HOMER1: variants seen among roughly 807,000 people sequenced by gnomAD.
The protein encoded by HOMER1 is homer scaffold protein 1.
HOMER1 carries 3 observed loss-of-function variants against 48.9 expected under a neutral mutation model. That is an observed-to-expected ratio of 0.06 (90% CI 0.03 to 0.16). HOMER1 has a LOEUF of 0.16. Ranked by LOEUF, HOMER1 falls within the 10% of genes least tolerant of loss-of-function variation. The pLI is 1.00. For synonymous variants in HOMER1, 134 were observed against 146.4 expected, an observed-to-expected ratio of 0.92 and a Z score of 0.61; for missense variants, 247 against 411.4, an observed-to-expected ratio of 0.60 and a Z score of 3.46.
chr5:79,435,571 T>C (rs1750552137), intron 5 of HOMER1, among the ~76,000 whole-genome samples: 1 of 152,250 alleles, frequency 6.6e-6, no homozygotes, highest in African/African-American at 2.4e-5. Flanking sequence ...ATTAAAAACT[T>C]AAGATTTTAT....
At chr5:79,462,217 C>CA (rs1285238871) in intron 1 of HOMER1, among the ~76,000 whole-genome samples, 1 of 152,002 alleles carries the variant, frequency 6.6e-6, no homozygotes, top group Non-Finnish European at 1.5e-5. Flanking sequence ...AACAAACAAA[C>CA]AAAAAAACCA....
chr5:79,404,981 T>C (rs573128293), intron 5 of HOMER1, among the ~76,000 whole-genome samples: 1 of 152,194 alleles, frequency 6.6e-6, no homozygotes, highest in Non-Finnish European at 1.5e-5. Context: ...AGTGCTGGGA[T>C]TACAGGCATG....
chr5:79,429,087 G>A (rs1194531697), intron 5 of HOMER1, among the ~76,000 whole-genome samples: 8 of 152,272 alleles, frequency 5.3e-5, no homozygotes, highest in East Asian at 3.9e-4. Flanking sequence ...AGCGTAGGCC[G>A]GGCACAGTGG....
At chr5:79,425,433 T>C (rs944467495) in intron 5 of HOMER1, among the ~76,000 whole-genome samples, 6 of 152,078 alleles carry the variant, frequency 3.9e-5, no homozygotes, top group African/African-American at 1.2e-4. Flanking sequence ...AGGTGTGTTA[T>C]GCTTTTTCTT....
intron 5 of HOMER1, among the ~76,000 whole-genome samples, chr5:79,421,609 CTT>C (rs548883268): frequency 2.1e-5 from 3 of 142,928 alleles, no homozygotes; most frequent in Admixed American, 7.0e-5. Context: ...TGTTATTTTT[CTT>C]TTTTTTTTTT....
At chr5:79,435,399 T>C (rs1750547335) in intron 5 of HOMER1, among the ~76,000 whole-genome samples, 1 of 152,206 alleles carries the variant, frequency 6.6e-6, no homozygotes, top group South Asian at 2.1e-4. Context: ...ATATCCCATC[T>C]TTTTTATTTT....
chr5:79,428,421 A>T (rs1315406201), intron 5 of HOMER1, among the ~76,000 whole-genome samples: 1 of 152,240 alleles, frequency 6.6e-6, no homozygotes, highest in East Asian at 1.9e-4. Flanking sequence ...TCTATTCAAC[A>T]CTGTACTACA....
chr5:79,487,618 G>A (rs149431363), intron 1 of HOMER1, among the ~76,000 whole-genome samples: 27 of 152,284 alleles, frequency 1.8e-4, no homozygotes, highest in African/African-American at 6.5e-4. Flanking sequence ...GCAAGAAAAG[G>A]AGGGGAAGGA....
At chr5:79,399,902 C>G (rs1749489016) in intron 6 of HOMER1, among the ~76,000 whole-genome samples, 1 of 151,996 alleles carries the variant, frequency 6.6e-6, no homozygotes, top group African/African-American at 2.4e-5. Context: ...GATAGAAATT[C>G]AGATCTACAG....
chr5:79,414,043 G>A (rs1749875968), intron 5 of HOMER1, among the ~76,000 whole-genome samples: 1 of 151,892 alleles, frequency 6.6e-6, no homozygotes. Flanking sequence ...AGTACTTCTT[G>A]GGATCCTCTC....
At chr5:79,396,781 C>A in intron 8 of HOMER1, 42 bp downstream of exon 8, 1 of 1,197,616 alleles carries the variant, frequency 8.3e-7, no homozygotes, top group Non-Finnish European at 1.2e-6. Flanking sequence ...AAAATGATGC[C>A]TTTCTATGCA....
chr5:79,421,318 AG>A (rs745867501), intron 5 of HOMER1, among the ~76,000 whole-genome samples: 5 of 152,222 alleles, frequency 3.3e-5, no homozygotes, highest in Admixed American at 2.0e-4. Context: ...CCAAATGTTT[AG>A]TTATGTTATG....
chr5:79,376,650 G>C (rs749282885), intron 8 of HOMER1, among the ~76,000 whole-genome samples: 21 of 152,282 alleles, frequency 1.4e-4, no homozygotes, highest in Middle Eastern at 6.8e-3. Context: ...ATTTAGACAA[G>C]AAAGTAACTC....
intron 1 of HOMER1, among the ~76,000 whole-genome samples, chr5:79,457,340 C>T (rs1227648837): frequency 1.3e-5 from 2 of 152,198 alleles, no homozygotes; most frequent in Non-Finnish European, 2.9e-5. Context: ...AACCATGCAT[C>T]ACCTGACATG....
intron 2 of HOMER1, among the ~76,000 whole-genome samples, chr5:79,452,493 C>G (rs1445938214): frequency 6.6e-6 from 1 of 152,196 alleles, no homozygotes; most frequent in Non-Finnish European, 1.5e-5. Context: ...AATCCATAAG[C>G]AGTCATCTGC....
At chr5:79,484,963 G>A (rs1373049602) in intron 1 of HOMER1, among the ~76,000 whole-genome samples, 6 of 152,178 alleles carry the variant, frequency 3.9e-5, no homozygotes, top group Non-Finnish European at 8.8e-5. Flanking sequence ...AACAACAGCT[G>A]TTCTCTTTGC....
At chr5:79,384,042 C>T (rs140098576) in intron 8 of HOMER1, among the ~76,000 whole-genome samples, 120 of 148,396 alleles carry the variant, frequency 8.1e-4, no homozygotes, top group African/African-American at 2.7e-3. Context: ...CAATAAATGC[C>T]GACATCAAAA....
chr5:79,375,942 G>T lies in HOMER1; in HGVS notation c.*67C>A, dbSNP rs1561339029. 8.6e-6 allele frequency: 7 copies of T among 811,240 alleles called. No individual in the cohort carries two copies. The highest frequency in any genetic ancestry group is 2.8e-5 in the Admixed American group (1 of 35,686). The allele number at this position is 811,240 out of a possible 1,614,324, so 50.3% of individuals were successfully genotyped here. On this transcript the variant is annotated 3_prime_UTR_variant, in exon 9 of 9. Coordinates refer to ENST00000334082, the MANE Select transcript of HOMER1 (RefSeq NM_004272.5). Reference sequence around the variant, plus strand: ...TTTTTTTGTGCAATCTTGATGCAGAGCCTAAACAGTCCTATGAAGAGAGAC... The same window carrying T: ...TTTTTTTGTGCAATCTTGATGCAGATCCTAAACAGTCCTATGAAGAGAGAC...
intron 1 of HOMER1, among the ~76,000 whole-genome samples, chr5:79,461,442 A>G (rs1228048581): frequency 1.3e-5 from 2 of 152,246 alleles, no homozygotes; most frequent in Non-Finnish European, 2.9e-5. Context: ...AAGTGTGTTT[A>G]TATTGAACAA....
Sources: gnomAD v4.1 joint callset for allele counts (sites outside exome capture counted in the v4.1 genomes callset) on GRCh38, gnomAD v4.1.1 for gene constraint, MANE v1.5 for transcripts, NCBI Gene and HGNC (gene_info 2026-07-23, HGNC 2026-07-21) for gene names.